The following VPS13B variants were observed in gnomAD, a reference collection of about 807,000 sequenced individuals.
The protein encoded by VPS13B is vacuolar protein sorting 13 homolog B, also known as intermembrane lipid transfer protein VPS13B.
A neutral mutation model predicts 426.4 loss-of-function variants in VPS13B; 285 were observed. The observed-to-expected ratio is 0.67, with a 90% CI of 0.61 to 0.74. The LOEUF (loss-of-function observed/expected upper bound fraction) is 0.74, where lower values mean the gene tolerates loss of function less well. Among genes scored for constraint, VPS13B ranks in the 30% least tolerant of loss-of-function variants. VPS13B has a pLI of 0.00. For synonymous variants in VPS13B, 1,676 were observed against 1,676.4 expected (o/e 1.00, Z 0.01); for missense variants, 4,537 against 4,782.6 (o/e 0.95, Z 1.51).
intron 28 of VPS13B, among the ~76,000 whole-genome samples, chr8:99,509,951 T>A (rs1563768360): frequency 6.6e-6 from 1 of 152,196 alleles, no homozygotes; most frequent in East Asian, 1.9e-4. Flanking sequence ...TTGTTTATAG[T>A]GTGCAATTTG....
intron 17 of VPS13B, among the ~76,000 whole-genome samples, chr8:99,270,131 C>CTTTTTTTTTTTCTT (rs1818504719): frequency 3.3e-5 from 1 of 30,312 alleles, no homozygotes; most frequent in Non-Finnish European, 6.0e-5. Context: ...ATATAAGAAT[C>CTTTTTTTTTTTCTT]TTTTTTTTTT....
At chr8:99,281,843 C>A (rs185566786) in intron 19 of VPS13B, among the ~76,000 whole-genome samples, 70 of 152,228 alleles carry the variant, frequency 4.6e-4, no homozygotes, top group African/African-American at 1.6e-3. Context: ...TAGGTTGTTA[C>A]CAAGATTATG....
chr8:99,602,537 A>G (rs1336588311), intron 33 of VPS13B, among the ~76,000 whole-genome samples: 1 of 152,188 alleles, frequency 6.6e-6, no homozygotes, highest in Non-Finnish European at 1.5e-5. Context: ...GGCCAGGGCA[A>G]TCAGGCAAGA....
chr8:99,489,578 T>C (rs1820490814), intron 25 of VPS13B, among the ~76,000 whole-genome samples: 1 of 152,216 alleles, frequency 6.6e-6, no homozygotes, highest in Non-Finnish European at 1.5e-5. Context: ...TTTTATTTTG[T>C]TGAGCAGTGG....
intron 3 of VPS13B, among the ~76,000 whole-genome samples, chr8:99,078,360 G>C (rs965680448): frequency 6.7e-6 from 1 of 149,388 alleles, no homozygotes; most frequent in Non-Finnish European, 1.5e-5. Context: ...TGCTTTTGTA[G>C]GGTGCTTTGT....
chr8:99,818,793 A>G lies in VPS13B; in HGVS notation c.8526A>G (p.Gly2842=), dbSNP rs770838857. The change falls in exon 47 of 62, where the codon GGA becomes GGG. Residue 2842 remains glycine, a synonymous_variant. Coordinates refer to ENST00000357162, the MANE Select transcript of VPS13B (RefSeq NM_152564.5). ...TACATTTGGAGAAAAGGAGTCTGGG[A>G]TTGAGTGAAACACAAATTATTCCAG... ...IIIHLEKRSL[G]LSETQIIPGK... The G allele has an allele frequency of 6.2e-7, 1 of 1,614,070 alleles. No individual in the cohort carries two copies. Among genetic ancestry groups the G allele is most frequent in the Non-Finnish European group, 8.5e-7 (1 of 1,179,960 alleles).
intron 25 of VPS13B, among the ~76,000 whole-genome samples, chr8:99,493,514 G>T (rs1432979447): frequency 6.6e-6 from 1 of 152,058 alleles, no homozygotes; most frequent in Non-Finnish European, 1.5e-5. Context: ...GTTGGGCGTG[G>T]TGGCTCACAC....
intron 33 of VPS13B, among the ~76,000 whole-genome samples, chr8:99,611,957 TAA>T (rs1343411421): frequency 6.6e-6 from 1 of 152,134 alleles, no homozygotes; most frequent in Admixed American, 6.6e-5. Flanking sequence ...CTAAGTATGG[TAA>T]ATACTGAGTA....
At position 99,871,580 on chromosome 8, in the gene VPS13B, T is replaced by C. The variant is rs749917293; in HGVS notation, c.11628T>C (p.Ser3876=). The C allele has an allele frequency of 6.2e-7, 1 of 1,614,104 alleles. No homozygotes were observed. The highest frequency in any genetic ancestry group is 1.7e-5 in the Admixed American group (1 of 60,014). Residue 3876 remains serine (S), a synonymous_variant, in exon 61 of 62, where the codon AGT becomes AGC. Transcript: ENST00000357162. ...TSEVLFVVSV[S]EDTQQQAFPV... ...AAGTGCTCTTCGTGGTGAGTGTCAG[T>C]GAGGACACACAGCAGCAGGCCTTCC...
intron 3 of VPS13B, among the ~76,000 whole-genome samples, chr8:99,078,720 A>G (rs1845273372): frequency 6.6e-6 from 1 of 152,000 alleles, no homozygotes; most frequent in African/African-American, 2.4e-5. Context: ...GGGTAGTGTG[A>G]TGGCATTGGT....
intron 43 of VPS13B, among the ~76,000 whole-genome samples, chr8:99,808,375 A>G (rs1234197064): frequency 6.6e-6 from 1 of 151,872 alleles, no homozygotes; most frequent in Admixed American, 6.6e-5. Flanking sequence ...AAAATTAGCC[A>G]GTCGTGGTGG....
At chr8:99,464,442 C>A (rs1019826840) in intron 23 of VPS13B, among the ~76,000 whole-genome samples, 1 of 152,082 alleles carries the variant, frequency 6.6e-6, no homozygotes, top group Non-Finnish European at 1.5e-5. Flanking sequence ...AATATTGATT[C>A]CTACCCAAAA....
intron 14 of VPS13B, among the ~76,000 whole-genome samples, chr8:99,150,061 G>A (rs893710675): frequency 3.3e-5 from 5 of 152,070 alleles, no homozygotes; most frequent in Admixed American, 2.6e-4. Flanking sequence ...TTATGTAAGG[G>A]AATTAACTAT....
chr8:99,745,389 T>C (rs890422558), intron 39 of VPS13B, among the ~76,000 whole-genome samples: 9 of 152,132 alleles, frequency 5.9e-5, no homozygotes, highest in Non-Finnish European at 1.5e-5. Flanking sequence ...CCTTTATCCA[T>C]GGTTTCACTT....
At chr8:99,858,679 G>A (rs938475082) in intron 56 of VPS13B, among the ~76,000 whole-genome samples, 11 of 150,724 alleles carry the variant, frequency 7.3e-5, no homozygotes, top group Non-Finnish European at 1.2e-4. Context: ...AGTGAGACTC[G>A]ATCTCAAAAA....
intron 17 of VPS13B, among the ~76,000 whole-genome samples, chr8:99,218,455 G>C (rs1390127453): frequency 6.6e-6 from 1 of 152,182 alleles, no homozygotes; most frequent in Admixed American, 6.5e-5. Flanking sequence ...TGTAGACTAA[G>C]AGAGGGTAAG....
At chr8:99,246,017 T>A (rs947669666) in intron 17 of VPS13B, among the ~76,000 whole-genome samples, 1 of 152,268 alleles carries the variant, frequency 6.6e-6, no homozygotes, top group Non-Finnish European at 1.5e-5. Flanking sequence ...TATATTTTAC[T>A]GTTTTTTGTT....
In VPS13B at chr8:99,068,270, TA is replaced by T. The variant is rs1234125979; in HGVS notation, c.292-28041del. Reference sequence around the variant, plus strand: ...GTGCTTTTTTCTTCCCTAGCTGTTTTATAGATTTTCTTATAATTCAGACATA... The same window carrying T: ...GTGCTTTTTTCTTCCCTAGCTGTTTTTAGATTTTCTTATAATTCAGACATA... On this transcript the variant is annotated intron_variant, in intron 3 of 61. Transcript: ENST00000357162. Among the ~76,000 whole-genome samples, 7 of 152,372 alleles carry T rather than the reference TA, an allele frequency of 4.6e-5. No homozygotes were observed. In the East Asian group the frequency reaches 1.3e-3, roughly 29 times the overall value.
chr8:99,821,161 CACA>C (rs1814343528), intron 49 of VPS13B, 130 bp from the exon 50 acceptor site: 4 of 615,898 alleles, frequency 6.5e-6, no homozygotes, highest in Admixed American at 2.6e-5. Context: ...CACACACACA[CACA>C]CACCATGGAG....
Sources: allele counts gnomAD v4.1 joint callset (sites outside exome capture counted in the v4.1 genomes callset), GRCh38; gene constraint gnomAD v4.1.1; transcripts MANE v1.5; gene names NCBI Gene and HGNC (gene_info 2026-07-23, HGNC 2026-07-21).